The following OPRM1 variants were observed in gnomAD, a reference collection of about 807,000 sequenced individuals.
The protein encoded by OPRM1 is opioid receptor mu 1.
In OPRM1, 27 loss-of-function variants were observed where a neutral mutation model predicts 31.8. The observed-to-expected ratio is 0.85, with a 90% CI of 0.63 to 1.17. OPRM1 has a LOEUF of 1.17. Ranked by LOEUF, OPRM1 falls within the 50% of genes most tolerant of loss-of-function variation. OPRM1 has a pLI of 0.00. For missense variants in OPRM1, 536 were observed against 511.1 expected (o/e 1.05, Z -0.47); for synonymous variants, 196 against 189.9 (o/e 1.03, Z -0.26).
chr6:154,146,675 CT>C (rs1237447365), intron 3 of OPRM1, among the ~76,000 whole-genome samples: 1 of 152,134 alleles, frequency 6.6e-6, no homozygotes, highest in African/African-American at 2.4e-5. Context: ...GACTGACAAA[CT>C]ATGGTGCAAG....
chr6:154,215,364 G>A (rs1778307534), intron 3 of OPRM1, among the ~76,000 whole-genome samples: 1 of 152,088 alleles, frequency 6.6e-6, no homozygotes, highest in South Asian at 2.1e-4. Flanking sequence ...AGCACTTCAG[G>A]AGGCCAAGGC....
chr6:154,168,707 G>C lies in OPRM1; in HGVS notation c.1164+77235G>C, dbSNP rs1028739843. 2.0e-5 allele frequency among the ~76,000 whole-genome samples: 3 copies of C among 152,008 alleles called. No individual in the cohort carries two copies. Among genetic ancestry groups the C allele is most frequent in the African/African-American group, 7.2e-5 (3 of 41,380 alleles). On this transcript the variant is annotated intron_variant, in intron 3 of 3. Coordinates refer to the OPRM1 transcript ENST00000337049. The surrounding 1 kb of genome is among the most constrained non-coding windows in gnomAD (Gnocchi z 4.1). ...TGAAACCTACACCTCCCAGGTTCAA[G>C]TGATTCTCCTGTCTCAGCCTCCCAA...
intron 3 of OPRM1, among the ~76,000 whole-genome samples, chr6:154,137,581 C>T (rs1798089965): frequency 1.3e-5 from 2 of 151,980 alleles, no homozygotes. Flanking sequence ...TTAAGAGATT[C>T]AAAAAGAGAA....
intron 3 of OPRM1, among the ~76,000 whole-genome samples, chr6:154,197,264 T>A (rs975534351): frequency 2.0e-5 from 3 of 152,130 alleles, no homozygotes; most frequent in African/African-American, 7.2e-5. Flanking sequence ...CTGCAACACA[T>A]AAACACACAT....
At chr6:154,141,177 C>A (rs913671956) in intron 3 of OPRM1, among the ~76,000 whole-genome samples, 4 of 152,206 alleles carry the variant, frequency 2.6e-5, no homozygotes, top group Non-Finnish European at 5.9e-5. Flanking sequence ...ACCTACCTCA[C>A]ATAAAAGAGA....
intron 1 of OPRM1, among the ~76,000 whole-genome samples, chr6:154,025,724 A>G (rs1206189777): frequency 6.6e-6 from 1 of 152,016 alleles, no homozygotes; most frequent in Non-Finnish European, 1.5e-5. Flanking sequence ...TGTTACCACG[A>G]GGCTTGCAAA....
chr6:154,221,258 C>A, intron 3 of OPRM1: 3 of 1,613,258 alleles, frequency 1.9e-6, no homozygotes, highest in Non-Finnish European at 2.5e-6. Flanking sequence ...TCTACTTACA[C>A]GTTCATTTCC....
At chr6:154,067,385 T>G (rs1323615605) in intron 1 of OPRM1, among the ~76,000 whole-genome samples, 1 of 151,958 alleles carries the variant, frequency 6.6e-6, no homozygotes, top group Non-Finnish European at 1.5e-5. Flanking sequence ...CTAAGTTCTC[T>G]TGTGATTTTT....
intron 3 of OPRM1, among the ~76,000 whole-genome samples, chr6:154,140,063 T>C (rs1798157230): frequency 1.3e-5 from 2 of 152,162 alleles, no homozygotes; most frequent in Admixed American, 6.5e-5. Flanking sequence ...GAAACATTGA[T>C]ATGCAAGTCA....
intron 1 of OPRM1, among the ~76,000 whole-genome samples, chr6:154,084,974 C>A (rs1235513254): frequency 6.6e-6 from 1 of 151,538 alleles, no homozygotes; most frequent in African/African-American, 2.4e-5. Context: ...AAAATGTGTC[C>A]TTCCTCCTCT....
At chr6:154,132,655 C>T (rs1479309119), downstream of OPRM1, among the ~76,000 whole-genome samples, 2 of 152,122 alleles carry the variant, frequency 1.3e-5, no homozygotes, top group African/African-American at 2.4e-5. Flanking sequence ...AAAATATAGG[C>T]AGCTAAATCC....
At chr6:154,062,744 T>A (rs1274888830) in intron 1 of OPRM1, among the ~76,000 whole-genome samples, 1 of 152,068 alleles carries the variant, frequency 6.6e-6, no homozygotes, top group South Asian at 2.1e-4. Context: ...TTTCCATCAA[T>A]TGGTCCTAAA....
chr6:154,192,769 A>G (rs1434962111), intron 3 of OPRM1, among the ~76,000 whole-genome samples: 1 of 152,248 alleles, frequency 6.6e-6, no homozygotes, highest in African/African-American at 2.4e-5. Flanking sequence ...GAAATGTTCA[A>G]TTAGTGATGG....
At chr6:154,106,973 A>G (rs138094486) in intron 3 of OPRM1, among the ~76,000 whole-genome samples, 68 of 152,346 alleles carry the variant, frequency 4.5e-4, no homozygotes, top group African/African-American at 1.6e-3. Context: ...AGTCATGTGA[A>G]CAAAGAGGCA....
chr6:154,131,351 A>G lies in OPRM1; in HGVS notation c.*12630A>G, dbSNP rs636433. ...AAACTATTTTTCCTCTCCAGGAATA[A>G]GAATGGCAACTGAATTGTTCCTTCT... On this transcript the variant is annotated 3_prime_UTR_variant, in exon 4 of 4. Coordinates refer to ENST00000330432, the MANE Select transcript of OPRM1 (RefSeq NM_000914.5). Among the ~76,000 whole-genome samples, 138,050 of 152,288 alleles carry G rather than the reference A, an allele frequency of 0.91. 62,624 individuals carry two copies. Among genetic ancestry groups the G allele is most frequent in the East Asian group, 0.98 (5,097 of 5,184 alleles).
At chr6:154,059,347 C>T (rs890165102) in intron 1 of OPRM1, among the ~76,000 whole-genome samples, 2 of 152,148 alleles carry the variant, frequency 1.3e-5, no homozygotes, top group African/African-American at 4.8e-5. Context: ...CTTCTATTTA[C>T]AAAGCCTCAA....
intron 3 of OPRM1, chr6:154,108,057 C>T (rs763631693): frequency 3.0e-6 from 2 of 658,876 alleles, no homozygotes; most frequent in South Asian, 3.6e-5. Context: ...AAATTGTTAC[C>T]CTTTTGCCAG....
rs1359851187 is a variant in OPRM1 at position 154,125,152 on chromosome 6, A to G, written c.*6431A>G. 1.3e-5 allele frequency among the ~76,000 whole-genome samples: 2 copies of G among 152,234 alleles called. No homozygotes were observed. Among genetic ancestry groups the G allele is most frequent in the Non-Finnish European group, 2.9e-5 (2 of 68,036 alleles). On this transcript the variant is annotated 3_prime_UTR_variant, in exon 4 of 4. Transcript: ENST00000330432. ...TAACCAGAGCAGCCCAAAATATTTC[A>G]GGGTAAGAATAGATATATTTATATT...
At chr6:154,178,347 G>A (rs1206950199) in intron 3 of OPRM1, among the ~76,000 whole-genome samples, 1 of 151,998 alleles carries the variant, frequency 6.6e-6, no homozygotes, top group South Asian at 2.1e-4. Context: ...AATCAGTAAA[G>A]ATAAAAATAA....
Sources: allele counts gnomAD v4.1 joint callset (sites outside exome capture counted in the v4.1 genomes callset), GRCh38; gene constraint gnomAD v4.1.1; non-coding constraint Gnocchi (gnomAD v3.1); transcripts MANE v1.5; gene names NCBI Gene and HGNC (gene_info 2026-07-23, HGNC 2026-07-21).